Variants in SHANK2 observed in about 807,000 individuals in gnomAD.
SHANK2 encodes SH3 and multiple ankyrin repeat domains 2, also known as SH3 and multiple ankyrin repeat domains protein 2.
In SHANK2, 43 loss-of-function variants were observed where a neutral mutation model predicts 133.7. The observed-to-expected ratio is 0.32, with a 90% CI of 0.25 to 0.41. The LOEUF is 0.41. Among genes scored for constraint, SHANK2 ranks in the 10% least tolerant of loss-of-function variants. The pLI, the probability that SHANK2 is intolerant of heterozygous loss-of-function variation, is 1.00. For missense variants in SHANK2, 1,994 were observed against 2,235.8 expected, an observed-to-expected ratio of 0.89 and a Z score of 2.18; for synonymous variants, 1,017 against 952.8, an observed-to-expected ratio of 1.07 and a Z score of -1.24.
chr11:70,878,403 G>A (rs951463982), intron 11 of SHANK2, among the ~76,000 whole-genome samples: 2 of 152,184 alleles, frequency 1.3e-5, no homozygotes, highest in Non-Finnish European at 2.9e-5. Flanking sequence ...AACATACAGG[G>A]CATCATCACA....
chr11:70,708,885 C>A (rs1416462009), intron 14 of SHANK2, among the ~76,000 whole-genome samples: 1 of 152,174 alleles, frequency 6.6e-6, no homozygotes, highest in Non-Finnish European at 1.5e-5. Flanking sequence ...ATGTGTGGAC[C>A]CCCCCTGCTG....
At chr11:70,656,241 ACT>A (rs1484955631) in intron 17 of SHANK2, among the ~76,000 whole-genome samples, 1 of 151,510 alleles carries the variant, frequency 6.6e-6, no homozygotes, top group Non-Finnish European at 1.5e-5. Context: ...CTCCTTTGAA[ACT>A]CTCTGGTCTC....
chr11:70,569,923 CAG>C lies in SHANK2; in HGVS notation c.2062-66994_2062-66993del, dbSNP rs1370636039. 6.9e-6 allele frequency among the ~76,000 whole-genome samples: 1 copy of C among 145,490 alleles called. No homozygotes were observed. The highest frequency in any genetic ancestry group is 6.8e-5 in the Admixed American group (1 of 14,758). On this transcript the variant is annotated intron_variant, in intron 17 of 25. Coordinates refer to ENST00000601538, the MANE Select transcript of SHANK2 (RefSeq NM_012309.5). This position sits in a 1 kb window ranked among gnomAD's most constrained non-coding sequence, Gnocchi z 5.1. Reference sequence around the variant, plus strand: ...AGCAAGACAGAGACACTCACCGAGACAGAGACACAGAGACATAGAGAGAGAGA... The same window carrying C: ...AGCAAGACAGAGACACTCACCGAGACAGACACAGAGACATAGAGAGAGAGA...
chr11:70,487,109 G>A lies in SHANK2; in HGVS notation c.3184C>T (p.Pro1062Ser). ...TCGTCAGGCCGCAGCTGGCTCGGTG[G>A]CTCCGGGGCCTGGGGGTCGATCTCC... ...SMEIDPQAPEPPSQLRPDESL... is the reference protein window; with the variant it reads ...SMEIDPQAPESPSQLRPDESL... Residue 1062 changes from proline (P) to serine (S), a missense_variant, in exon 25 of 26, where the codon CCA becomes TCA. This residue lies in a region of SHANK2 where 488 missense variants were observed against 642.6 expected (regional missense o/e 0.76). Transcript: ENST00000601538. This position sits in a 1 kb window ranked among gnomAD's most constrained non-coding sequence, Gnocchi z 5.8. 1 of 1,611,288 alleles carries A rather than the reference G, an allele frequency of 6.2e-7. No homozygotes were observed. Among genetic ancestry groups the A allele is most frequent in the Non-Finnish European group, 8.5e-7 (1 of 1,179,984 alleles).
In SHANK2 at chr11:71,110,026, A is replaced by T. The variant is rs1555098824; in HGVS notation, c.507T>A (p.Asp169Glu). 1.9e-6 allele frequency: 3 copies of T among 1,551,298 alleles called. No homozygotes were observed. The South Asian group carries it at 3.6e-5, about 18-fold the overall frequency. ...HTKTNLKKCM[D>E]HIQHRLVEKI... is the part of the protein sequence containing the mutation. ...TCTCCACCAAGCGATGCTGAATGTG[A>T]TCCATGCATTTCTTCAGATTGGTCT... The change falls in exon 6 of 26, where the codon GAT becomes GAA. Residue 169 changes from aspartate (D) to glutamate (E), a missense_variant. Coordinates refer to ENST00000601538, the MANE Select transcript of SHANK2 (RefSeq NM_012309.5).
intron 1 of SHANK2, among the ~76,000 whole-genome samples, chr11:71,247,935 G>A (rs2135832744): frequency 2.0e-5 from 3 of 152,352 alleles, no homozygotes; most frequent in East Asian, 3.9e-4. Context: ...AGCCCAGCAT[G>A]TCCCTGCTGC....
chr11:71,069,745 C>T (rs967343564), intron 9 of SHANK2, among the ~76,000 whole-genome samples: 1,684 of 152,278 alleles, frequency 0.011, 14 homozygotes, highest in Non-Finnish European at 0.019. Flanking sequence ...GAAACCCAGA[C>T]CACCATGCCT....
rs548080520 is a variant in SHANK2, at chr11:70,476,397, C to A, written c.4980-2958G>T. Among the ~76,000 whole-genome samples, 304 of 152,052 alleles carry A rather than the reference C, an allele frequency of 2.0e-3. 2 individuals are homozygous for A. Among genetic ancestry groups the A allele is most frequent in the African/African-American group, 6.9e-3 (288 of 41,516 alleles). The stretch of plus-strand genomic sequence containing the variant: ...TAGGATACACGAAAAAACCTGCAAC[C>A]CCCCCTTCTCTGGTACTCAAAGAAG... On this transcript the variant is annotated intron_variant, in intron 25 of 25. Transcript: ENST00000601538.
intron 14 of SHANK2, among the ~76,000 whole-genome samples, chr11:70,755,640 C>G (rs1946851733): frequency 6.6e-6 from 1 of 152,214 alleles, no homozygotes; most frequent in African/African-American, 2.4e-5. Context: ...ACCGGCCTTT[C>G]TCGTGCGGAA....
At chr11:71,113,793 C>T (rs1951930564) in intron 4 of SHANK2, among the ~76,000 whole-genome samples, 1 of 152,210 alleles carries the variant, frequency 6.6e-6, no homozygotes. Context: ...TTAAAACACA[C>T]CCTAAAAGCC....
At chr11:70,904,790 G>T (rs1555077548) in intron 10 of SHANK2, among the ~76,000 whole-genome samples, 2 of 152,202 alleles carry the variant, frequency 1.3e-5, no homozygotes, top group African/African-American at 2.4e-5. Flanking sequence ...GTACAGGCAT[G>T]AGCCATCGTG....
chr11:71,170,864 C>T (rs1049794668), intron 2 of SHANK2, among the ~76,000 whole-genome samples: 5 of 152,244 alleles, frequency 3.3e-5, no homozygotes, highest in African/African-American at 9.6e-5. Flanking sequence ...CGATGGTCCT[C>T]GTCCTCCAGG....
intron 15 of SHANK2, chr11:70,698,293 C>T (rs955216246): frequency 2.4e-5 from 6 of 248,094 alleles, no homozygotes; most frequent in African/African-American, 6.7e-5. Flanking sequence ...GATGAGAACC[C>T]GAGGACCACA....
rs1483379357 is a variant in SHANK2, at chr11:70,882,720, G to A, written c.1174+13781C>T. On this transcript the variant is annotated intron_variant, in intron 11 of 25. Coordinates refer to ENST00000601538, the MANE Select transcript of SHANK2 (RefSeq NM_012309.5). This position sits in a 1 kb window ranked among gnomAD's most constrained non-coding sequence, Gnocchi z 4.2. ...GATCCCCACGGCTTTGCTAAAAGGC[G>A]GCAGTGGCTTATCCTCATGTCCACA... Among the ~76,000 whole-genome samples the A allele has an allele frequency of 1.3e-5, 2 of 152,172 alleles. No individual in the cohort carries two copies. The highest frequency in any genetic ancestry group is 2.4e-5 in the African/African-American group (1 of 41,450).
chr11:70,738,636 C>G (rs1033869928), intron 14 of SHANK2, among the ~76,000 whole-genome samples: 1 of 152,220 alleles, frequency 6.6e-6, no homozygotes, highest in African/African-American at 2.4e-5. Flanking sequence ...GCACAGCCAG[C>G]CGCTGGACCC....
intron 2 of SHANK2, among the ~76,000 whole-genome samples, chr11:71,197,756 T>C (rs782514981): frequency 1.3e-5 from 2 of 152,216 alleles, no homozygotes; most frequent in Non-Finnish European, 2.9e-5. Context: ...GTTCATGCCA[T>C]TCTCCTGTCT....
At chr11:71,167,771 A>C (rs1233077950) in intron 2 of SHANK2, among the ~76,000 whole-genome samples, 1 of 134,270 alleles carries the variant, frequency 7.4e-6, no homozygotes. Flanking sequence ...CACCTCCCGG[A>C]CGGGGCGGCT....
chr11:70,499,066 G>A (rs977146784), intron 21 of SHANK2, among the ~76,000 whole-genome samples: 1 of 152,238 alleles, frequency 6.6e-6, no homozygotes, highest in Non-Finnish European at 1.5e-5. Flanking sequence ...CCGAGGCGAG[G>A]CCAGTCCTCC....
chr11:70,805,086 G>A (rs782012703), intron 13 of SHANK2, among the ~76,000 whole-genome samples: 29 of 152,296 alleles, frequency 1.9e-4, no homozygotes, highest in Admixed American at 1.3e-3. Context: ...CCAGCCCCAG[G>A]CTCTAGGTTC....
Sources: allele counts gnomAD v4.1 joint callset (sites outside exome capture counted in the v4.1 genomes callset), GRCh38; gene constraint gnomAD v4.1.1; regional missense constraint gnomAD v4.1.1; non-coding constraint Gnocchi (gnomAD v3.1); transcripts MANE v1.5; gene names NCBI Gene and HGNC (gene_info 2026-07-23, HGNC 2026-07-21).